The following ATRNL1 variants were observed in gnomAD, a reference collection of about 807,000 sequenced individuals.
The protein encoded by ATRNL1 is attractin like 1, also known as attractin-like protein 1.
ATRNL1 carries 95 observed loss-of-function variants against 182.7 expected under a neutral mutation model. That is an observed-to-expected ratio of 0.52 (90% CI 0.44 to 0.62). The LOEUF is 0.62. Among genes scored for constraint, ATRNL1 ranks in the 20% least tolerant of loss-of-function variants. The pLI is 0.00. For synonymous variants in ATRNL1, 576 were observed against 568.3 expected (o/e 1.01, Z -0.19); for missense variants, 1,471 against 1,679.5 (o/e 0.88, Z 2.17).
At chr10:115,215,150 AAC>A (rs1311233110) in intron 8 of ATRNL1, among the ~76,000 whole-genome samples, 2 of 152,174 alleles carry the variant, frequency 1.3e-5, no homozygotes, top group Non-Finnish European at 2.9e-5. Context: ...AACCTAATGT[AAC>A]ACAATTGTCA....
At chr10:115,588,227 C>G (rs1426376407) in intron 26 of ATRNL1, among the ~76,000 whole-genome samples, 4 of 152,120 alleles carry the variant, frequency 2.6e-5, no homozygotes, top group African/African-American at 9.7e-5. Flanking sequence ...TCTCTCACCC[C>G]CAACTCTCAC....
chr10:115,704,028 A>G (rs1946821240), intron 26 of ATRNL1, among the ~76,000 whole-genome samples: 2 of 152,038 alleles, frequency 1.3e-5, no homozygotes, highest in African/African-American at 2.4e-5. Flanking sequence ...ACAAAAATGA[A>G]TCCCAGATTT....
At chr10:115,760,183 G>C (rs1243801571) in intron 27 of ATRNL1, among the ~76,000 whole-genome samples, 1 of 145,548 alleles carries the variant, frequency 6.9e-6, no homozygotes, top group Non-Finnish European at 1.5e-5. Context: ...CAAAAAAAAA[G>C]ACTAAACTCT....
intron 27 of ATRNL1, among the ~76,000 whole-genome samples, chr10:115,728,241 GC>G (rs1947671474): frequency 7.4e-6 from 1 of 135,616 alleles, no homozygotes; most frequent in Non-Finnish European, 1.5e-5. Flanking sequence ...CTTGCAGTGA[GC>G]CGAGATCCTG....
At chr10:115,917,259 G>T (rs1952889183) in intron 28 of ATRNL1, among the ~76,000 whole-genome samples, 3 of 152,026 alleles carry the variant, frequency 2.0e-5, no homozygotes. Context: ...GAGGTCAGGA[G>T]ATCGAGACCA....
intron 10 of ATRNL1, among the ~76,000 whole-genome samples, chr10:115,246,365 A>G (rs1488449154): frequency 1.3e-5 from 2 of 152,188 alleles, no homozygotes; most frequent in African/African-American, 4.8e-5. Context: ...TTTTAGTTGG[A>G]AAGAACTTGT....
intron 24 of ATRNL1, among the ~76,000 whole-genome samples, chr10:115,476,634 T>C (rs4520511): frequency 0.2 from 29,748 of 151,330 alleles, 3,093 homozygotes; most frequent in South Asian, 0.24. Flanking sequence ...TGTTCTTTTT[T>C]GTCTTTATTA....
chr10:115,372,950 A>G (rs1857472977), intron 19 of ATRNL1, among the ~76,000 whole-genome samples: 1 of 152,152 alleles, frequency 6.6e-6, no homozygotes, highest in South Asian at 2.1e-4. Context: ...CCAGTAGATC[A>G]CTTTGCGTAA....
chr10:115,411,661 G>T (rs1845148635), intron 20 of ATRNL1, among the ~76,000 whole-genome samples: 1 of 151,914 alleles, frequency 6.6e-6, no homozygotes. Context: ...ATATTATTTA[G>T]CTCAAATATC....
At chr10:115,598,862 A>T (rs1396100434) in intron 26 of ATRNL1, among the ~76,000 whole-genome samples, 2 of 152,184 alleles carry the variant, frequency 1.3e-5, no homozygotes, top group Admixed American at 6.5e-5. Flanking sequence ...CCAGCCTCAC[A>T]CAGAAACATA....
chr10:115,179,407 C>G (rs1847660160), intron 8 of ATRNL1, among the ~76,000 whole-genome samples: 1 of 151,980 alleles, frequency 6.6e-6, no homozygotes, highest in South Asian at 2.1e-4. Context: ...TGTCAGGTGT[C>G]CTCATATAGC....
chr10:115,478,732 G>GA (rs1554973601), intron 24 of ATRNL1, among the ~76,000 whole-genome samples: 1 of 151,410 alleles, frequency 6.6e-6, no homozygotes, highest in Non-Finnish European at 1.5e-5. Flanking sequence ...TTTATCTTTT[G>GA]AATTAGGGTA....
chr10:115,398,087 A>G (rs1844374659), intron 20 of ATRNL1, among the ~76,000 whole-genome samples: 4 of 151,898 alleles, frequency 2.6e-5, no homozygotes, highest in Admixed American at 1.3e-4. Context: ...GAGTATGGAG[A>G]GCATACTCTT....
intron 26 of ATRNL1, among the ~76,000 whole-genome samples, chr10:115,715,012 G>A (rs1011989360): frequency 1.3e-5 from 2 of 152,084 alleles, no homozygotes; most frequent in Admixed American, 6.6e-5. Context: ...ACAGGAAGAC[G>A]CTGCAAAGTT....
intron 27 of ATRNL1, among the ~76,000 whole-genome samples, chr10:115,756,107 CA>C (rs1270236483): frequency 6.6e-6 from 1 of 151,906 alleles, no homozygotes; most frequent in African/African-American, 2.4e-5. Context: ...TTGATCTTTT[CA>C]AAAAACCAGC....
chr10:115,471,050 C>A (rs2134571598), intron 24 of ATRNL1, among the ~76,000 whole-genome samples: 1 of 150,620 alleles, frequency 6.6e-6, no homozygotes, highest in South Asian at 2.1e-4. Flanking sequence ...CAATATTTGT[C>A]TTTTTGTGAC....
chr10:115,809,337 A>G (rs1431366077), intron 27 of ATRNL1, among the ~76,000 whole-genome samples: 1 of 152,046 alleles, frequency 6.6e-6, no homozygotes, highest in East Asian at 1.9e-4. Flanking sequence ...AAATTTTAGA[A>G]TCAACTTTTT....
intron 25 of ATRNL1, among the ~76,000 whole-genome samples, chr10:115,539,105 T>G (rs73373355): frequency 0.028 from 4,214 of 152,302 alleles, 225 homozygotes; most frequent in African/African-American, 0.097. Flanking sequence ...ATGCATTTCT[T>G]AGAACATATC....
At chr10:115,304,206 C>G (rs1853617858) in intron 17 of ATRNL1, among the ~76,000 whole-genome samples, 1 of 152,156 alleles carries the variant, frequency 6.6e-6, no homozygotes, top group African/African-American at 2.4e-5. Flanking sequence ...CTTATTAGAT[C>G]ATTGACTTTC....
Sources: allele counts gnomAD v4.1 joint callset (sites outside exome capture counted in the v4.1 genomes callset), GRCh38; gene constraint gnomAD v4.1.1; transcripts MANE v1.5; gene names NCBI Gene and HGNC (gene_info 2026-07-23, HGNC 2026-07-21).